The following GUCY1A2 variants were observed in gnomAD, a reference collection of about 807,000 sequenced individuals.
GUCY1A2 encodes the protein guanylate cyclase soluble subunit alpha-2.
In GUCY1A2, 27 loss-of-function variants were observed where a neutral mutation model predicts 63.5. The observed-to-expected ratio is 0.43, with a 90% CI of 0.31 to 0.59. The LOEUF (loss-of-function observed/expected upper bound fraction) is 0.59, where lower values mean the gene tolerates loss of function less well. GUCY1A2 is among the 20% of genes least tolerant of loss of function. GUCY1A2 has a pLI of 0.11. For missense variants in GUCY1A2, 768 were observed against 913.3 expected (o/e 0.84, Z 2.05); for synonymous variants, 364 against 343.5 (o/e 1.06, Z -0.66).
intron 1 of GUCY1A2, among the ~76,000 whole-genome samples, chr11:106,994,144 AT>A (rs541509226): frequency 2.8e-4 from 43 of 152,248 alleles, no homozygotes; most frequent in Non-Finnish European, 5.3e-4. Flanking sequence ...CCATCTGGGG[AT>A]TCAAACTAAT....
intron 6 of GUCY1A2, among the ~76,000 whole-genome samples, chr11:106,714,831 GC>G (rs1863187586): frequency 6.6e-6 from 1 of 152,222 alleles, no homozygotes; most frequent in African/African-American, 2.4e-5. Context: ...GAATTTTCCA[GC>G]CCCAAATATC....
chr11:106,839,028 G>A (rs2135442000), intron 4 of GUCY1A2, among the ~76,000 whole-genome samples: 1 of 152,168 alleles, frequency 6.6e-6, no homozygotes, highest in Admixed American at 6.6e-5. Context: ...AGCTTTTGGT[G>A]TTTTAGACAT....
chr11:106,838,242 AC>A (rs1468176845), intron 4 of GUCY1A2, among the ~76,000 whole-genome samples: 1 of 151,892 alleles, frequency 6.6e-6, no homozygotes, highest in Non-Finnish European at 1.5e-5. Context: ...TCCGTGCCTT[AC>A]CCCCTTTCTA....
chr11:106,898,156 AC>A (rs1277850397), intron 4 of GUCY1A2, among the ~76,000 whole-genome samples: 3 of 152,172 alleles, frequency 2.0e-5, no homozygotes, highest in African/African-American at 7.2e-5. Flanking sequence ...ACCACTACAC[AC>A]CTATGAGAAT....
chr11:106,758,092 G>A (rs1864004663), intron 6 of GUCY1A2, among the ~76,000 whole-genome samples: 1 of 152,188 alleles, frequency 6.6e-6, no homozygotes, highest in Admixed American at 6.5e-5. Context: ...TTGCTGAGCT[G>A]CGGTGGGCTC....
chr11:106,942,291 G>A (rs565816050), intron 3 of GUCY1A2, among the ~76,000 whole-genome samples: 1 of 151,988 alleles, frequency 6.6e-6, no homozygotes, highest in African/African-American at 2.4e-5. Context: ...ATACTCTCCT[G>A]GTTTGATTAC....
At chr11:106,821,761 T>G (rs1033140873) in intron 4 of GUCY1A2, among the ~76,000 whole-genome samples, 5 of 152,322 alleles carry the variant, frequency 3.3e-5, no homozygotes, top group Middle Eastern at 3.4e-3. Context: ...CCCAGCCAAT[T>G]TAACACAGAA....
intron 4 of GUCY1A2, among the ~76,000 whole-genome samples, chr11:106,880,197 T>G (rs1489947931): frequency 6.6e-6 from 1 of 152,084 alleles, no homozygotes; most frequent in African/African-American, 2.4e-5. Flanking sequence ...TTCAGAGTTC[T>G]GAGCTAAGAA....
At position 106,908,077 on chromosome 11, in the gene GUCY1A2, T is replaced by C. The variant is rs1315898782; in HGVS notation, c.1206+31383A>G. Among the ~76,000 whole-genome samples the C allele has an allele frequency of 3.3e-5, 5 of 152,198 alleles. No individual in the cohort carries two copies. In the East Asian group the frequency reaches 9.7e-4, roughly 29 times the overall value. ...TAACACACATCTAAATATTAGTTCA[T>C]GTACACCAAATGTAGTAAAAATAAT... On this transcript the variant is annotated intron_variant, in intron 4 of 7. Transcript: ENST00000526355.
chr11:106,790,625 A>G (rs180992407), intron 5 of GUCY1A2, among the ~76,000 whole-genome samples: 1 of 151,712 alleles, frequency 6.6e-6, no homozygotes, highest in African/African-American at 2.4e-5. Flanking sequence ...TGCATCTTAG[A>G]GTCTTGCTTA....
At chr11:106,854,773 T>C (rs558606749) in intron 4 of GUCY1A2, among the ~76,000 whole-genome samples, 1 of 152,254 alleles carries the variant, frequency 6.6e-6, no homozygotes, top group South Asian at 2.1e-4. Context: ...TCAGGCCCTA[T>C]GAAGGTGCAC....
intron 4 of GUCY1A2, among the ~76,000 whole-genome samples, chr11:106,921,563 A>G (rs903266240): frequency 2.0e-5 from 3 of 152,052 alleles, no homozygotes; most frequent in Admixed American, 6.6e-5. Flanking sequence ...TCCTTCTCCA[A>G]TTCCTTCACA....
chr11:106,950,994 T>C (rs1860900222), intron 3 of GUCY1A2, among the ~76,000 whole-genome samples: 1 of 152,162 alleles, frequency 6.6e-6, no homozygotes, highest in Admixed American at 6.5e-5. Context: ...ATGCAGTGTT[T>C]GGTTTTCTGT....
At chr11:106,977,418 C>T (rs1260449840) in intron 3 of GUCY1A2, among the ~76,000 whole-genome samples, 3 of 152,190 alleles carry the variant, frequency 2.0e-5, no homozygotes, top group Non-Finnish European at 4.4e-5. Flanking sequence ...GCCTCCTTTT[C>T]ACTACCCATC....
intron 1 of GUCY1A2, among the ~76,000 whole-genome samples, chr11:107,013,841 C>T (rs550330633): frequency 1.5e-3 from 232 of 152,134 alleles, no homozygotes; most frequent in African/African-American, 5.5e-3. Flanking sequence ...TTATGTTTTC[C>T]CTTTATATAG....
chr11:106,931,303 C>T (rs1415534127), intron 4 of GUCY1A2, among the ~76,000 whole-genome samples: 1 of 152,026 alleles, frequency 6.6e-6, no homozygotes, highest in African/African-American at 2.4e-5. Flanking sequence ...AACTTAAAAC[C>T]TAAGACACCA....
chr11:106,994,770 C>G (rs1861513963), intron 1 of GUCY1A2, among the ~76,000 whole-genome samples: 1 of 152,226 alleles, frequency 6.6e-6, no homozygotes, highest in Admixed American at 6.5e-5. Flanking sequence ...ATTTATTTCA[C>G]TTTGGTGACC....
intron 2 of GUCY1A2, among the ~76,000 whole-genome samples, chr11:106,981,312 A>G (rs1286691960): frequency 2.0e-5 from 3 of 152,158 alleles, no homozygotes; most frequent in African/African-American, 7.2e-5. Context: ...TTGTCAAAAG[A>G]AAAAGAGAAC....
At chr11:106,928,452 T>C (rs958956773) in intron 4 of GUCY1A2, among the ~76,000 whole-genome samples, 1 of 151,264 alleles carries the variant, frequency 6.6e-6, no homozygotes, top group Non-Finnish European at 1.5e-5. Flanking sequence ...TCACCTACAA[T>C]ATGCTCAGAT....
Sources: gnomAD v4.1 joint callset for allele counts (sites outside exome capture counted in the v4.1 genomes callset) on GRCh38, gnomAD v4.1.1 for gene constraint, MANE v1.5 for transcripts, NCBI Gene and HGNC (gene_info 2026-07-23, HGNC 2026-07-21) for gene names.